The following CRAMP1 variants were observed in gnomAD, a reference collection of about 807,000 sequenced individuals.
CRAMP1 encodes the protein cramped chromatin regulator 1, also known as protein cramped-like.
CRAMP1 carries 50 observed loss-of-function variants against 115.4 expected under a neutral mutation model. The ratio of observed to expected loss-of-function variants is 0.43; its 90% CI spans 0.35 to 0.55. CRAMP1 has a LOEUF of 0.55. Among genes scored for constraint, CRAMP1 ranks in the 20% least tolerant of loss-of-function variants. CRAMP1 has a pLI of 0.01. For synonymous variants in CRAMP1, 866 were observed against 745.4 expected, an observed-to-expected ratio of 1.16 and a Z score of -2.64; for missense variants, 1,679 against 1,721.7, an observed-to-expected ratio of 0.98 and a Z score of 0.44.
intron 14 of CRAMP1, 125 bp downstream of exon 14, chr16:1,665,263 A>G (rs1035650600): frequency 1.4e-6 from 1 of 710,464 alleles, no homozygotes; most frequent in African/African-American, 1.8e-5. Context: ...CATTCTACCG[A>G]CAAATACCTA....
chr16:1,670,522 G>C (rs1317011041), intron 19 of CRAMP1, 142 bp from the exon 20 acceptor site: 1 of 822,068 alleles, frequency 1.2e-6, no homozygotes, highest in Non-Finnish European at 2.0e-6. Context: ...GAGTCCCTCG[G>C]AAGCTCTTCG....
At chr16:1,667,492 G>A (rs1385437368) in intron 17 of CRAMP1, 92 bp downstream of exon 17, 4 of 987,750 alleles carry the variant, frequency 4.0e-6, no homozygotes, top group East Asian at 2.5e-5. Context: ...GGAGTGGCCC[G>A]GCTTCTCTCC....
At chr16:1,663,501 T>C (rs977720523) in intron 13 of CRAMP1, among the ~76,000 whole-genome samples, 5 of 152,210 alleles carry the variant, frequency 3.3e-5, no homozygotes, top group African/African-American at 1.2e-4. Flanking sequence ...TGTTCTTTGT[T>C]CAAACTAAGA....
At chr16:1,624,948 A>G (rs1385115859) in intron 2 of CRAMP1, among the ~76,000 whole-genome samples, 1 of 151,700 alleles carries the variant, frequency 6.6e-6, no homozygotes, top group Non-Finnish European at 1.5e-5. Context: ...GCTGGTCTCG[A>G]ACTTTTGGCC....
chr16:1,674,079 G>C lies in CRAMP1; in HGVS notation c.*34G>C. The stretch of plus-strand genomic sequence containing the variant: ...CCTGGTGGCGGATGAAGCCCTCTTC[G>C]AGCTAGAGAAAAATAGATAAGCCCA... On this transcript the variant is annotated 3_prime_UTR_variant, in exon 21 of 21. Coordinates refer to ENST00000397412, the MANE Select transcript of CRAMP1 (RefSeq NM_020825.4). The C allele has an allele frequency of 6.2e-7, 1 of 1,600,164 alleles. No homozygotes were observed. Among genetic ancestry groups the C allele is most frequent in the Non-Finnish European group, 8.5e-7 (1 of 1,173,764 alleles).
chr16:1,622,420 C>T (rs992756140), intron 2 of CRAMP1, among the ~76,000 whole-genome samples: 1 of 152,090 alleles, frequency 6.6e-6, no homozygotes, highest in Non-Finnish European at 1.5e-5. Context: ...GGCTGGGTGC[C>T]GGAATTGACT....
At chr16:1,648,350 T>C (rs2036694057) in intron 6 of CRAMP1, among the ~76,000 whole-genome samples, 1 of 152,222 alleles carries the variant, frequency 6.6e-6, no homozygotes, top group Non-Finnish European at 1.5e-5. Context: ...GGCTCACGCC[T>C]GTAATCCCAG....
At chr16:1,668,747 G>T (rs555047245) in intron 18 of CRAMP1, among the ~76,000 whole-genome samples, 30 of 152,210 alleles carry the variant, frequency 2.0e-4, no homozygotes, top group Middle Eastern at 3.2e-3. Context: ...TCCTAGGGCT[G>T]CTGTGGGTGC....
Position 1,655,902 on chromosome 16 carries a change from T to C in CRAMP1, c.1145T>C (p.Leu382Pro). ...CGGAAGACACTCGAGGAGCGGCAGC[T>C]GCAGGACTCATGCTCCGCACCGATG... Reference protein sequence around the residue: ...RVRKTLEERQLQDSCSAPMQE... With the variant: ...RVRKTLEERQPQDSCSAPMQE... The change falls in exon 10 of 21, where the codon CTG becomes CCG. Residue 382 changes from leucine (L) to proline (P), a missense_variant. Physicochemically the swap from Leu to Pro is moderately conservative, Grantham distance 98. Around this residue, in one of 8 missense-constraint regions of CRAMP1, gnomAD observed 191 missense variants for 236.2 expected, o/e 0.81. Transcript: ENST00000397412. 6.2e-7 allele frequency: 1 copy of C among 1,611,324 alleles called. No homozygotes were observed. Among genetic ancestry groups the C allele is most frequent in the Non-Finnish European group, 8.5e-7 (1 of 1,178,504 alleles).
chr16:1,656,602 A>C lies in CRAMP1; in HGVS notation c.1845A>C (p.Pro615=). ...CTGCTGACCTTGCTCCCACTGGCCC[A>C]TCCCCGAGGCCCGGCCCCGGGCTCC... is the stretch of plus-strand genomic sequence containing the variant. ...KEAADLAPTG[P]SPRPGPGLLL... The change falls in exon 10 of 21, where the codon CCA becomes CCC. Residue 615 remains proline (P), a synonymous_variant. Coordinates refer to ENST00000397412, the MANE Select transcript of CRAMP1 (RefSeq NM_020825.4). The surrounding 1 kb of genome is among the most constrained non-coding windows in gnomAD (Gnocchi z 5.6). The C allele has an allele frequency of 1.3e-6, 2 of 1,571,812 alleles. No individual in the cohort carries two copies. Among genetic ancestry groups the C allele is most frequent in the Non-Finnish European group, 1.7e-6 (2 of 1,159,512 alleles).
intron 2 of CRAMP1, among the ~76,000 whole-genome samples, chr16:1,615,759 C>T (rs2036413434): frequency 6.6e-6 from 1 of 152,190 alleles, no homozygotes; most frequent in Admixed American, 6.5e-5. Flanking sequence ...TTGTGCTTTT[C>T]CTTACGCAGG....
chr16:1,665,354 C>T lies in CRAMP1; in HGVS notation c.2752+216C>T, dbSNP rs541301944. On this transcript the variant is annotated intron_variant, in intron 14 of 20. Coordinates refer to ENST00000397412, the MANE Select transcript of CRAMP1 (RefSeq NM_020825.4). ...GCGAGGCAGCTAGTCCAAAGGGTGCCCTTCGTCTGTGGCCTCAGATGGCCC... is the reference window on the plus strand; with the variant it reads ...GCGAGGCAGCTAGTCCAAAGGGTGCTCTTCGTCTGTGGCCTCAGATGGCCC... Among the ~76,000 whole-genome samples, 22 of 152,304 alleles carry T rather than the reference C, an allele frequency of 1.4e-4. No individual in the cohort carries two copies. In the East Asian group the frequency reaches 3.7e-3, roughly 25 times the overall value.
intron 6 of CRAMP1, among the ~76,000 whole-genome samples, chr16:1,645,782 C>T (rs544255072): frequency 1.3e-5 from 2 of 152,308 alleles, no homozygotes; most frequent in South Asian, 2.1e-4. Context: ...CCCGGAGTGT[C>T]GTCGTCACAT....
chr16:1,638,735 C>T (rs946914275), intron 5 of CRAMP1, among the ~76,000 whole-genome samples: 5 of 152,218 alleles, frequency 3.3e-5, no homozygotes, highest in East Asian at 1.9e-4. Context: ...CAGCTCAGGG[C>T]GGGTGGTGGG....
intron 6 of CRAMP1, among the ~76,000 whole-genome samples, chr16:1,650,513 C>T (rs1041491361): frequency 5.3e-5 from 8 of 152,078 alleles, no homozygotes; most frequent in Admixed American, 5.2e-4. Flanking sequence ...AATATAAGAC[C>T]CTCTTCACCA....
At chr16:1,660,098 G>T (rs1248201015) in intron 11 of CRAMP1, 35 bp downstream of exon 11, 1 of 1,484,648 alleles carries the variant, frequency 6.7e-7, no homozygotes, top group African/African-American at 1.4e-5. Context: ...TTGTGCCTGG[G>T]CTGCCCTGAT....
chr16:1,633,708 G>C (rs2142179539), intron 4 of CRAMP1, among the ~76,000 whole-genome samples: 1 of 152,324 alleles, frequency 6.6e-6, no homozygotes. Flanking sequence ...GTGGCACGCA[G>C]CACCGACTTT....
chr16:1,627,900 A>G (rs1204841713), intron 3 of CRAMP1, among the ~76,000 whole-genome samples: 1 of 152,092 alleles, frequency 6.6e-6, no homozygotes, highest in Admixed American at 6.5e-5. Context: ...TTTGCCTGAA[A>G]CAATTACTCC....
intron 16 of CRAMP1, 113 bp from the exon 17 acceptor site, chr16:1,667,222 G>A: frequency 1.3e-6 from 1 of 780,288 alleles, no homozygotes; most frequent in East Asian, 2.6e-5. Context: ...TCCCTCTGCT[G>A]TTAGGAGGCC....
Sources: allele counts gnomAD v4.1 joint callset (sites outside exome capture counted in the v4.1 genomes callset), GRCh38; gene constraint gnomAD v4.1.1; regional missense constraint gnomAD v4.1.1; non-coding constraint Gnocchi (gnomAD v3.1); transcripts MANE v1.5; gene names NCBI Gene and HGNC (gene_info 2026-07-23, HGNC 2026-07-21).